The following GNA14 variants were observed in gnomAD, a reference collection of about 807,000 sequenced individuals.
GNA14 encodes guanine nucleotide-binding protein subunit alpha-14.
A neutral mutation model predicts 42.0 loss-of-function variants in GNA14; 50 were observed. The observed-to-expected ratio is 1.19, with a 90% CI of 0.95 to 1.51. The LOEUF is 1.51. Among genes scored for constraint, GNA14 ranks in the 40% most tolerant of loss-of-function variants. The probability of loss-of-function intolerance (pLI) is 0.00; values close to 1 mark genes in which losing one functional copy is unlikely to be tolerated. For synonymous variants in GNA14, 173 were observed against 163.1 expected (o/e 1.06, Z -0.46); for missense variants, 473 against 446.2 (o/e 1.06, Z -0.54).
At chr9:77,438,570 T>A (rs1346898620) in intron 2 of GNA14, among the ~76,000 whole-genome samples, 4 of 149,056 alleles carry the variant, frequency 2.7e-5, no homozygotes. Flanking sequence ...GCCTAGCCGA[T>A]TTTTTTTTTT....
intron 1 of GNA14, among the ~76,000 whole-genome samples, chr9:77,646,407 C>A (rs1227477065): frequency 6.6e-6 from 1 of 152,004 alleles, no homozygotes; most frequent in African/African-American, 2.4e-5. Context: ...TTTGGACCTA[C>A]AGACTTCCAG....
chr9:77,470,908 C>A (rs1836319129), intron 2 of GNA14, among the ~76,000 whole-genome samples: 2 of 152,180 alleles, frequency 1.3e-5, no homozygotes, highest in Admixed American at 1.3e-4. Context: ...AATTCACTCA[C>A]TTTCACAAGA....
chr9:77,528,943 TCC>T, intron 2 of GNA14, 124 bp downstream of exon 2: 1 of 782,542 alleles, frequency 1.3e-6, no homozygotes, highest in Non-Finnish European at 2.2e-6. Context: ...CTCTCAGTGA[TCC>T]CCACACCCCA....
At chr9:77,540,300 T>C (rs1366102599) in intron 1 of GNA14, among the ~76,000 whole-genome samples, 1 of 152,192 alleles carries the variant, frequency 6.6e-6, no homozygotes, top group African/African-American at 2.4e-5. Flanking sequence ...CTCTTGGTAT[T>C]GATCCCTAGT....
intron 2 of GNA14, among the ~76,000 whole-genome samples, chr9:77,474,821 TA>T (rs1447340960): frequency 6.6e-6 from 1 of 152,096 alleles, no homozygotes; most frequent in Non-Finnish European, 1.5e-5. Flanking sequence ...CAATTAAAAG[TA>T]AATGAATTAC....
chr9:77,536,308 G>T (rs1837597652), intron 1 of GNA14, among the ~76,000 whole-genome samples: 1 of 152,096 alleles, frequency 6.6e-6, no homozygotes, highest in South Asian at 2.1e-4. Context: ...CAGAACAACG[G>T]AGCAGAATTC....
At chr9:77,594,693 C>G (rs1178396831) in intron 1 of GNA14, among the ~76,000 whole-genome samples, 1 of 152,182 alleles carries the variant, frequency 6.6e-6, no homozygotes, top group Non-Finnish European at 1.5e-5. Context: ...AAGGATTTAT[C>G]AAGCATAATG....
intron 2 of GNA14, among the ~76,000 whole-genome samples, chr9:77,479,525 T>A (rs1326065027): frequency 6.6e-6 from 1 of 152,182 alleles, no homozygotes; most frequent in African/African-American, 2.4e-5. Context: ...TGGTTCCATA[T>A]GAACTTTAAA....
At position 77,612,770 on chromosome 9, in the gene GNA14, A is replaced by T. The variant is rs540439208; in HGVS notation, c.124+34900T>A. ...TTGTATAGTCTTTGTGGAAAACAGTATGGAGGTTTCTCAAAATATTAAAAA... is the reference window on the plus strand; with the variant it reads ...TTGTATAGTCTTTGTGGAAAACAGTTTGGAGGTTTCTCAAAATATTAAAAA... On this transcript the variant is annotated intron_variant, in intron 1 of 6. Transcript: ENST00000341700. 2.0e-4 allele frequency among the ~76,000 whole-genome samples: 31 copies of T among 152,284 alleles called. 1 individual carries two copies. The East Asian group carries it at 6.0e-3, about 29-fold the overall frequency.
chr9:77,619,701 A>C (rs1386178775), intron 1 of GNA14, among the ~76,000 whole-genome samples: 1 of 152,052 alleles, frequency 6.6e-6, no homozygotes. Flanking sequence ...TAGATATAAA[A>C]CCCTCAGAAT....
intron 1 of GNA14, among the ~76,000 whole-genome samples, chr9:77,631,333 T>G (rs1259619000): frequency 6.6e-6 from 1 of 152,102 alleles, no homozygotes; most frequent in Non-Finnish European, 1.5e-5. Context: ...ATGGCCACAA[T>G]TAGCAGCAGC....
intron 1 of GNA14, among the ~76,000 whole-genome samples, chr9:77,587,610 G>T (rs1823325927): frequency 6.6e-6 from 1 of 152,194 alleles, no homozygotes; most frequent in African/African-American, 2.4e-5. Context: ...ACACAGATTG[G>T]TGGTTATCTG....
At chr9:77,427,128 G>A (rs1358026632) in intron 5 of GNA14, among the ~76,000 whole-genome samples, 2 of 152,124 alleles carry the variant, frequency 1.3e-5, no homozygotes, top group African/African-American at 2.4e-5. Context: ...GTCTGGAGTG[G>A]CAACCACTTA....
intron 2 of GNA14, among the ~76,000 whole-genome samples, chr9:77,474,496 A>G (rs1039561240): frequency 6.6e-6 from 1 of 152,234 alleles, no homozygotes; most frequent in South Asian, 2.1e-4. Context: ...AAAGATAGAC[A>G]ATAACAAGCA....
chr9:77,540,326 T>A (rs531073008), intron 1 of GNA14, among the ~76,000 whole-genome samples: 1 of 152,272 alleles, frequency 6.6e-6, no homozygotes, highest in African/African-American at 2.4e-5. Flanking sequence ...TCCATTGTGG[T>A]CTGAGAAAAT....
intron 2 of GNA14, among the ~76,000 whole-genome samples, chr9:77,481,863 G>A (rs1836558445): frequency 6.6e-6 from 1 of 152,074 alleles, no homozygotes; most frequent in African/African-American, 2.4e-5. Context: ...CAGAGACTAG[G>A]ATTGCAACTC....
intron 1 of GNA14, among the ~76,000 whole-genome samples, chr9:77,611,941 A>G (rs1823741509): frequency 6.6e-6 from 1 of 152,134 alleles, no homozygotes; most frequent in Non-Finnish European, 1.5e-5. Flanking sequence ...TGCCCCCAAA[A>G]TGTAAAGTAC....
intron 1 of GNA14, among the ~76,000 whole-genome samples, chr9:77,596,788 T>A (rs1364965346): frequency 2.0e-5 from 3 of 152,156 alleles, no homozygotes; most frequent in African/African-American, 4.8e-5. Flanking sequence ...TAAATGCATA[T>A]CTGATTGCCT....
chr9:77,520,553 G>C (rs2131760055), intron 2 of GNA14, among the ~76,000 whole-genome samples: 2 of 151,788 alleles, frequency 1.3e-5, no homozygotes, highest in Middle Eastern at 6.8e-3. Context: ...GCAATATAAA[G>C]TTGAATACTT....
Sources: gnomAD v4.1 joint callset for allele counts (sites outside exome capture counted in the v4.1 genomes callset) on GRCh38, gnomAD v4.1.1 for gene constraint, MANE v1.5 for transcripts, NCBI Gene and HGNC (gene_info 2026-07-23, HGNC 2026-07-21) for gene names.